CHURC1: variants seen among roughly 807,000 people sequenced by gnomAD.
CHURC1 encodes the protein churchill domain containing 1.
A neutral mutation model predicts 15.4 loss-of-function variants in CHURC1; 12 were observed. The observed-to-expected ratio is 0.78, with a 90% CI of 0.50 to 1.27. The LOEUF (loss-of-function observed/expected upper bound fraction) is 1.27, where lower values mean the gene tolerates loss of function less well. CHURC1 is among the 50% of genes most tolerant of loss of function. The pLI is 0.00. For synonymous variants in CHURC1, 42 were observed against 47.5 expected (o/e 0.88, Z 0.48); for missense variants, 132 against 137.8 (o/e 0.96, Z 0.21).
At position 64,933,723 on chromosome 14, in the gene CHURC1, A is replaced by G. The variant is rs1402451549; in HGVS notation, c.*1493A>G. 3 of 985,332 alleles carry G rather than the reference A, an allele frequency of 3.0e-6. No homozygotes were observed. Among genetic ancestry groups the G allele is most frequent in the African/African-American group, 1.7e-5 (1 of 57,236 alleles). The allele number at this position is 985,332 out of a possible 1,614,324, so 61.0% of individuals were successfully genotyped here. On this transcript the variant is annotated 3_prime_UTR_variant, in exon 4 of 4. Transcript: ENST00000549115. ...GCATTAGAAACAAAAGTGTTTCTTC[A>G]TATCTAGGAGATTTGGAAATTCTGA...
rs1439932890 is a variant in CHURC1, at chr14:64,933,499, A to G, written c.*1269A>G. ...TTAGTAGCAGTATAGTCATTAAGCA[A>G]AGCATTACTCTGGACTTTATTGTCC... On this transcript the variant is annotated 3_prime_UTR_variant, in exon 4 of 4. Transcript: ENST00000549115. 2.0e-6 allele frequency: 2 copies of G among 984,506 alleles called. No individual in the cohort carries two copies. The highest frequency in any genetic ancestry group is 1.1e-4 in the East Asian group (1 of 8,828). The allele number at this position is 984,506 out of a possible 1,614,324, so 61.0% of individuals were successfully genotyped here. A position where few individuals can be genotyped will look rare whatever the true frequency, so the allele number is the denominator to read the frequency against.
In CHURC1 at chr14:64,932,742, A is replaced by G. The variant is rs976894472; in HGVS notation, c.*512A>G. The G allele has an allele frequency of 1.3e-5, 2 of 152,568 alleles. No individual in the cohort carries two copies. Among genetic ancestry groups the G allele is most frequent in the Non-Finnish European group, 2.9e-5 (2 of 68,320 alleles). The allele number at this position is 152,568 out of a possible 1,614,324, so 9.5% of individuals were successfully genotyped here. A position where few individuals can be genotyped will look rare whatever the true frequency, so the allele number is the denominator to read the frequency against. On this transcript the variant is annotated 3_prime_UTR_variant, in exon 4 of 4. Coordinates refer to ENST00000549115, the MANE Select transcript of CHURC1 (RefSeq NM_001386928.1). Reference sequence around the variant, plus strand: ...AGCAATTTGAGTAACAAAATAAAGTAGTATTGGGTTATAACCCAAACTATA... The same window carrying G: ...AGCAATTTGAGTAACAAAATAAAGTGGTATTGGGTTATAACCCAAACTATA...
At position 64,932,657 on chromosome 14, in the gene CHURC1, T is replaced by A; in HGVS notation, c.*427T>A. 5.9e-6 allele frequency: 1 copy of A among 170,608 alleles called. No homozygotes were observed. The highest frequency in any genetic ancestry group is 1.2e-5 in the Non-Finnish European group (1 of 86,678). 10.6% of individuals were successfully genotyped at this position (170,608 alleles called of 1,614,324 possible). The stretch of plus-strand genomic sequence containing the variant: ...TACTGAAATTAAAAAAAAAAAATCA[T>A]AGTGATTGGGAGTATGTCAGCATGA... On this transcript the variant is annotated 3_prime_UTR_variant, in exon 4 of 4. Coordinates refer to ENST00000549115, the MANE Select transcript of CHURC1 (RefSeq NM_001386928.1).
chr14:64,928,283 T>G (rs966844202), intron 3 of CHURC1, among the ~76,000 whole-genome samples: 1 of 152,220 alleles, frequency 6.6e-6, no homozygotes, highest in African/African-American at 2.4e-5. Context: ...GGTCTTACTC[T>G]GCCGCCCAAG....
chr14:64,929,131 A>G (rs560099950), intron 3 of CHURC1, among the ~76,000 whole-genome samples: 82 of 152,286 alleles, frequency 5.4e-4, no homozygotes, highest in African/African-American at 1.8e-3. Flanking sequence ...ACTGCCATCA[A>G]GTTAATCTTC....
Position 64,934,355 on chromosome 14 carries a change from AAAAC to A in CHURC1, c.*2129_*2132del, listed in dbSNP as rs543406413. On this transcript the variant is annotated 3_prime_UTR_variant, in exon 4 of 4. Coordinates refer to ENST00000549115, the MANE Select transcript of CHURC1 (RefSeq NM_001386928.1). The stretch of plus-strand genomic sequence containing the variant: ...AGAGCAAGACTCCATCTCAAAAACA[AAAAC>A]AAAACAAAACAACAACAAAAAAAGA... 1.8e-3 allele frequency: 1,651 copies of A among 916,436 alleles called. 16 individuals are homozygous for A. In the African/African-American group the frequency reaches 0.025, roughly 14 times the overall value. The allele number at this position is 916,436 out of a possible 1,614,324, so 56.8% of individuals were successfully genotyped here.
At chr14:64,926,200 G>A (rs2147615) in intron 3 of CHURC1, 120 bp downstream of exon 3, 87,619 of 471,152 alleles carry the variant, frequency 0.19, 11,012 homozygotes, top group African/African-American at 0.39. Context: ...ATATATTAAA[G>A]GAGACTATGC....
In CHURC1 at chr14:64,934,002, T is replaced by C. The variant is rs966847958; in HGVS notation, c.*1772T>C. The C allele has an allele frequency of 4.1e-6, 4 of 984,524 alleles. No homozygotes were observed. In the African/African-American group the frequency reaches 5.3e-5, roughly 13 times the overall value. 61.0% of individuals were successfully genotyped at this position (984,524 alleles called of 1,614,324 possible). A position where few individuals can be genotyped will look rare whatever the true frequency, so the allele number is the denominator to read the frequency against. ...GAAAAGGTTTATATTCACTATTCTT[T>C]ATTTCAGTGTAGCACTTTTAGAGCC... On this transcript the variant is annotated 3_prime_UTR_variant, in exon 4 of 4. Coordinates refer to ENST00000549115, the MANE Select transcript of CHURC1 (RefSeq NM_001386928.1).
chr14:64,933,537 A>G lies in CHURC1; in HGVS notation c.*1307A>G, dbSNP rs1885188187. On this transcript the variant is annotated 3_prime_UTR_variant, in exon 4 of 4. Coordinates refer to ENST00000549115, the MANE Select transcript of CHURC1 (RefSeq NM_001386928.1). The stretch of plus-strand genomic sequence containing the variant: ...GACTTTATTGTCCTGTTTCTATCAA[A>G]TTGGACTAACAAAAATTGATATAAT... The G allele has an allele frequency of 1.0e-6, 1 of 979,434 alleles. No individual in the cohort carries two copies. Among genetic ancestry groups the G allele is most frequent in the African/African-American group, 1.8e-5 (1 of 57,064 alleles). 60.7% of individuals were successfully genotyped at this position (979,434 alleles called of 1,614,324 possible).
chr14:64,930,871 A>C, intron 3 of CHURC1: 1 of 454,664 alleles, frequency 2.2e-6, no homozygotes, highest in Non-Finnish European at 4.4e-6. Flanking sequence ...AAGACCTTGA[A>C]GAGGATGTAT....
intron 3 of CHURC1, among the ~76,000 whole-genome samples, chr14:64,928,347 A>C (rs938560643): frequency 1.3e-5 from 2 of 152,170 alleles, no homozygotes; most frequent in African/African-American, 4.8e-5. Flanking sequence ...TCCCGTGCTC[A>C]GGCGATCCTT....
rs1174860870 is a variant in CHURC1, at chr14:64,916,608, T to C, written c.39+2074T>C. On this transcript the variant is annotated intron_variant, in intron 1 of 3. Coordinates refer to ENST00000549115, the MANE Select transcript of CHURC1 (RefSeq NM_001386928.1). Reference sequence around the variant, plus strand: ...TGTTTTTGTTTTTGAGATGGAGTCTTGCTCTGTCGCCCAGGTTGGAGTGCA... The same window carrying C: ...TGTTTTTGTTTTTGAGATGGAGTCTCGCTCTGTCGCCCAGGTTGGAGTGCA... 2.0e-5 allele frequency among the ~76,000 whole-genome samples: 3 copies of C among 152,268 alleles called. No homozygotes were observed. The South Asian group carries it at 6.2e-4, about 32-fold the overall frequency.
At chr14:64,926,145 G>A (rs1884680273) in intron 3 of CHURC1, 65 bp downstream of exon 3, 1 of 1,136,184 alleles carries the variant, frequency 8.8e-7, no homozygotes, top group Non-Finnish European at 1.2e-6. Flanking sequence ...AAGTGCTCTT[G>A]AGAATCTAAA....
In CHURC1 at chr14:64,935,051, G is replaced by A; in HGVS notation, c.*2821G>A. 1 of 950,944 alleles carries A rather than the reference G, an allele frequency of 1.1e-6. No homozygotes were observed. The highest frequency in any genetic ancestry group is 1.3e-6 in the Non-Finnish European group (1 of 798,880). The allele number at this position is 950,944 out of a possible 1,614,324, so 58.9% of individuals were successfully genotyped here. A position where few individuals can be genotyped will look rare whatever the true frequency, so the allele number is the denominator to read the frequency against. On this transcript the variant is annotated 3_prime_UTR_variant, in exon 4 of 4. Coordinates refer to ENST00000549115, the MANE Select transcript of CHURC1 (RefSeq NM_001386928.1). ...AGGAATTAGGGACATGGATGAAATT[G>A]GAAATCTTCATTCTCAGTAAACTAT...
At chr14:64,926,676 C>G (rs995031815) in intron 3 of CHURC1, among the ~76,000 whole-genome samples, 6 of 152,304 alleles carry the variant, frequency 3.9e-5, no homozygotes, top group Admixed American at 3.9e-4. Context: ...AGTTGAACAA[C>G]TCTGCAGTCT....
chr14:64,929,945 C>CCG (rs1555383897), intron 3 of CHURC1, among the ~76,000 whole-genome samples: 2 of 148,486 alleles, frequency 1.3e-5, no homozygotes, highest in African/African-American at 5.1e-5. Flanking sequence ...AAAAGCCCCC[C>CCG]CCCACACACA....
intron 1 of CHURC1, among the ~76,000 whole-genome samples, chr14:64,917,547 G>A (rs752716505): frequency 7.9e-5 from 12 of 152,084 alleles, no homozygotes; most frequent in Non-Finnish European, 1.3e-4. Flanking sequence ...TGGGTGACAA[G>A]AGCAAAACTC....
chr14:64,932,495 T>A lies in CHURC1; in HGVS notation c.*265T>A, dbSNP rs1420006704. 8.7e-7 allele frequency: 1 copy of A among 1,153,022 alleles called. No individual in the cohort carries two copies. The highest frequency in any genetic ancestry group is 1.6e-5 in the African/African-American group (1 of 63,186). 71.4% of individuals were successfully genotyped at this position (1,153,022 alleles called of 1,614,324 possible). ...TTATGTGGTCAGAAAACAACTAGAA[T>A]GGGAGCACACCTGGTGCCCAGATTT... On this transcript the variant is annotated 3_prime_UTR_variant, in exon 4 of 4. Coordinates refer to ENST00000549115, the MANE Select transcript of CHURC1 (RefSeq NM_001386928.1).
chr14:64,915,438 A>G (rs1042422752), intron 1 of CHURC1, among the ~76,000 whole-genome samples: 2 of 152,206 alleles, frequency 1.3e-5, no homozygotes, highest in African/African-American at 2.4e-5. Context: ...GGGGAGGGCA[A>G]TAGGGGATAG....
Sources: gnomAD v4.1 joint callset for allele counts (sites outside exome capture counted in the v4.1 genomes callset) on GRCh38, gnomAD v4.1.1 for gene constraint, MANE v1.5 for transcripts, NCBI Gene and HGNC (gene_info 2026-07-23, HGNC 2026-07-21) for gene names.